Variants in SLC2A13 observed in about 807,000 individuals in gnomAD.
The protein encoded by SLC2A13 is proton myo-inositol cotransporter.
Under a neutral mutation model 64.4 loss-of-function variants are expected in SLC2A13, and 32 were observed. The ratio of observed to expected loss-of-function variants is 0.50; its 90% CI spans 0.37 to 0.67. The LOEUF is 0.67. Among genes scored for constraint, SLC2A13 ranks in the 30% least tolerant of loss-of-function variants. The probability of loss-of-function intolerance (pLI) is 0.00; values close to 1 mark genes in which losing one functional copy is unlikely to be tolerated. For synonymous variants in SLC2A13, 338 were observed against 327.1 expected (o/e 1.03, Z -0.36); for missense variants, 743 against 829.2 (o/e 0.90, Z 1.28).
chr12:40,031,215 C>T (rs1196221420), intron 2 of SLC2A13, among the ~76,000 whole-genome samples: 1 of 151,990 alleles, frequency 6.6e-6, no homozygotes, highest in Non-Finnish European at 1.5e-5. Flanking sequence ...GTTACTTACA[C>T]CATTTTATTT....
At chr12:40,082,704 C>CA (rs1183440847) in intron 1 of SLC2A13, among the ~76,000 whole-genome samples, 4 of 152,214 alleles carry the variant, frequency 2.6e-5, no homozygotes, top group African/African-American at 9.7e-5. Context: ...CAGCCATTCC[C>CA]ACGCCAGACC....
intron 7 of SLC2A13, among the ~76,000 whole-genome samples, chr12:39,825,098 G>T (rs1942632546): frequency 6.6e-6 from 1 of 152,024 alleles, no homozygotes. Flanking sequence ...TGCCAAATAG[G>T]GAATCTATCT....
chr12:39,768,737 C>T (rs543917862), intron 7 of SLC2A13, among the ~76,000 whole-genome samples: 9 of 152,104 alleles, frequency 5.9e-5, no homozygotes, highest in Admixed American at 1.3e-4. Flanking sequence ...GATCACTGAT[C>T]ATCATAGCAG....
intron 7 of SLC2A13, among the ~76,000 whole-genome samples, chr12:39,822,517 C>A (rs1462082076): frequency 1.3e-5 from 2 of 152,180 alleles, no homozygotes; most frequent in African/African-American, 4.8e-5. Context: ...TCTCAGCCCC[C>A]TTTTTAATAA....
chr12:40,095,135 G>T (rs1045581861), intron 1 of SLC2A13, among the ~76,000 whole-genome samples: 1 of 152,156 alleles, frequency 6.6e-6, no homozygotes, highest in African/African-American at 2.4e-5. Flanking sequence ...AAATCTGGGG[G>T]AAAAAATACA....
chr12:39,950,474 T>C (rs1946208450), intron 4 of SLC2A13: 1 of 152,290 alleles, frequency 6.6e-6, no homozygotes, highest in East Asian at 1.9e-4. Flanking sequence ...CTGTAGAGAA[T>C]TGAGAGAGTC....
chr12:39,782,559 T>C (rs1941031145), intron 7 of SLC2A13, among the ~76,000 whole-genome samples: 1 of 152,202 alleles, frequency 6.6e-6, no homozygotes, highest in Non-Finnish European at 1.5e-5. Context: ...GTTTTGGGTA[T>C]GTCTTTATCA....
At chr12:39,775,279 A>G (rs910970724) in intron 7 of SLC2A13, among the ~76,000 whole-genome samples, 5 of 152,250 alleles carry the variant, frequency 3.3e-5, no homozygotes, top group African/African-American at 1.2e-4. Context: ...TGGATAGAAG[A>G]CTGGTGAAAA....
chr12:39,837,321 C>T (rs1296690612), intron 6 of SLC2A13, among the ~76,000 whole-genome samples: 2 of 145,890 alleles, frequency 1.4e-5, no homozygotes, highest in African/African-American at 5.1e-5. Flanking sequence ...CTTCCTTACA[C>T]CTTATACAAA....
At chr12:39,794,138 A>C (rs990506250) in intron 7 of SLC2A13, among the ~76,000 whole-genome samples, 1 of 151,272 alleles carries the variant, frequency 6.6e-6, no homozygotes, top group African/African-American at 2.4e-5. Flanking sequence ...AAAAAAAAAA[A>C]AAAAAAAAAA....
chr12:39,986,176 C>G (rs949519499), intron 3 of SLC2A13, among the ~76,000 whole-genome samples: 3 of 151,988 alleles, frequency 2.0e-5, no homozygotes, highest in African/African-American at 7.3e-5. Flanking sequence ...ATCCTAACCT[C>G]CAGGTGAGGA....
chr12:39,976,351 G>A (rs867998640), intron 3 of SLC2A13, among the ~76,000 whole-genome samples: 10 of 152,178 alleles, frequency 6.6e-5, no homozygotes, highest in Admixed American at 1.3e-4. Context: ...ACAATGGTAC[G>A]TGGCACTTAC....
chr12:39,788,323 G>C (rs966510059), intron 7 of SLC2A13, among the ~76,000 whole-genome samples: 1 of 151,994 alleles, frequency 6.6e-6, no homozygotes, highest in Admixed American at 6.6e-5. Context: ...TTGTGCTTTG[G>C]GGCCATTATT....
At chr12:39,925,589 A>C (rs1374113992) in intron 4 of SLC2A13, among the ~76,000 whole-genome samples, 1 of 152,160 alleles carries the variant, frequency 6.6e-6, no homozygotes, top group Admixed American at 6.5e-5. Context: ...TTTTCCTTTA[A>C]GTAAAGAAAT....
rs146340413 is a variant in SLC2A13, at chr12:40,088,470, T to C, written c.556+16783A>G. Reference sequence around the variant, plus strand: ...TTTTACTTTTTGAAGCCAGTCATCATAATGGCTACCTTTTGAGGAAAGTAA... The same window carrying C: ...TTTTACTTTTTGAAGCCAGTCATCACAATGGCTACCTTTTGAGGAAAGTAA... On this transcript the variant is annotated intron_variant, in intron 1 of 9. Coordinates refer to ENST00000280871, the MANE Select transcript of SLC2A13 (RefSeq NM_052885.4). Among the ~76,000 whole-genome samples, 10 of 152,328 alleles carry C rather than the reference T, an allele frequency of 6.6e-5. No homozygotes were observed. The East Asian group carries it at 9.6e-4, about 15-fold the overall frequency.
At chr12:39,834,142 A>G (rs1024244634) in intron 6 of SLC2A13, among the ~76,000 whole-genome samples, 20 of 152,076 alleles carry the variant, frequency 1.3e-4, no homozygotes, top group Non-Finnish European at 2.8e-4. Flanking sequence ...AGGCTGTGTC[A>G]CATAAAACTT....
chr12:39,957,438 T>C (rs1394636817), intron 3 of SLC2A13, among the ~76,000 whole-genome samples: 2 of 152,128 alleles, frequency 1.3e-5, no homozygotes, highest in African/African-American at 4.8e-5. Context: ...GTAACAAACA[T>C]ACTCTGTGCT....
intron 7 of SLC2A13, among the ~76,000 whole-genome samples, chr12:39,772,464 A>G (rs116918006): frequency 2.0e-5 from 3 of 152,156 alleles, no homozygotes; most frequent in Admixed American, 2.0e-4. Context: ...GTAGAGATAA[A>G]TGTTCCTTGA....
chr12:40,058,795 C>T (rs1413311485), intron 1 of SLC2A13, among the ~76,000 whole-genome samples: 3 of 152,134 alleles, frequency 2.0e-5, no homozygotes, highest in African/African-American at 2.4e-5. Flanking sequence ...AAGCAAGATG[C>T]CGTAACTATG....
Sources: gnomAD v4.1 joint callset for allele counts (sites outside exome capture counted in the v4.1 genomes callset) on GRCh38, gnomAD v4.1.1 for gene constraint, MANE v1.5 for transcripts, NCBI Gene and HGNC (gene_info 2026-07-23, HGNC 2026-07-21) for gene names.